The following TBC1D14 variants were observed in gnomAD, a reference collection of about 807,000 sequenced individuals.
The protein encoded by TBC1D14 is TBC1 domain family, member 14.
A neutral mutation model predicts 79.0 loss-of-function variants in TBC1D14; 26 were observed. That is an observed-to-expected ratio of 0.33 (90% CI 0.24 to 0.46). The LOEUF (loss-of-function observed/expected upper bound fraction) is 0.46, where lower values mean the gene tolerates loss of function less well. Ranked by LOEUF, TBC1D14 falls within the 20% of genes least tolerant of loss-of-function variation. The pLI is 1.00. For synonymous variants in TBC1D14, 394 were observed against 349.9 expected (o/e 1.13, Z -1.40); for missense variants, 769 against 887.6 (o/e 0.87, Z 1.70).
intron 12 of TBC1D14, among the ~76,000 whole-genome samples, chr4:7,022,582 C>G (rs979738745): frequency 1.1e-4 from 16 of 152,172 alleles, no homozygotes; most frequent in Admixed American, 1.0e-3. Context: ...CAGGAACAAG[C>G]CCAGAGGCCG....
chr4:6,995,251 A>G (rs1255888543), intron 4 of TBC1D14: 1 of 152,252 alleles, frequency 6.6e-6, no homozygotes, highest in Non-Finnish European at 1.5e-5. Context: ...TATGTCAAAA[A>G]ACAAATGAAC....
At chr4:7,023,604 G>A (rs1192805547) in intron 12 of TBC1D14, among the ~76,000 whole-genome samples, 1 of 152,234 alleles carries the variant, frequency 6.6e-6, no homozygotes. Context: ...TTCCTACCAA[G>A]CCTGCGACGG....
At chr4:6,965,735 C>T (rs532775310) in intron 2 of TBC1D14, among the ~76,000 whole-genome samples, 3 of 152,298 alleles carry the variant, frequency 2.0e-5, no homozygotes, top group South Asian at 2.1e-4. Flanking sequence ...GAGACAGAGT[C>T]TCACTACCTT....
intron 3 of TBC1D14, among the ~76,000 whole-genome samples, chr4:6,986,230 G>A (rs1717807549): frequency 6.6e-6 from 1 of 152,190 alleles, no homozygotes; most frequent in Non-Finnish European, 1.5e-5. Flanking sequence ...TTCTTTTCAT[G>A]GCCATTTCCC....
At chr4:6,960,402 C>T (rs1715080407) in intron 2 of TBC1D14, among the ~76,000 whole-genome samples, 1 of 152,110 alleles carries the variant, frequency 6.6e-6, no homozygotes, top group South Asian at 2.1e-4. Context: ...TACCCCGTGC[C>T]TTTTGCTACC....
At chr4:7,014,911 C>T (rs1164039030) in intron 12 of TBC1D14, among the ~76,000 whole-genome samples, 5 of 152,216 alleles carry the variant, frequency 3.3e-5, no homozygotes, top group Non-Finnish European at 7.3e-5. Flanking sequence ...GTGGGAGACA[C>T]GTGTGTCCAT....
At chr4:6,980,564 T>C (rs952681444) in intron 3 of TBC1D14, among the ~76,000 whole-genome samples, 5 of 152,010 alleles carry the variant, frequency 3.3e-5, no homozygotes, top group African/African-American at 1.2e-4. Flanking sequence ...ACAAAAATGA[T>C]AGACCGAAAG....
At chr4:6,935,035 G>T (rs1206101756) in intron 2 of TBC1D14, among the ~76,000 whole-genome samples, 3 of 152,218 alleles carry the variant, frequency 2.0e-5, no homozygotes, top group Non-Finnish European at 2.9e-5. Flanking sequence ...GCTGCACATT[G>T]TTATCACCAG....
At chr4:6,997,152 A>G (rs907572975) in intron 5 of TBC1D14, 1 of 152,312 alleles carries the variant, frequency 6.6e-6, no homozygotes, top group Non-Finnish European at 1.5e-5. Context: ...TGTTTGGTCA[A>G]AGAGAATGAC....
At chr4:6,937,480 G>A (rs1346463446) in intron 2 of TBC1D14, among the ~76,000 whole-genome samples, 1 of 119,144 alleles carries the variant, frequency 8.4e-6, no homozygotes, top group African/African-American at 2.6e-5. Context: ...GAATTGGGTG[G>A]GGGCACAAAC....
Position 6,987,202 on chromosome 4 carries a change from G to T in TBC1D14, c.844-6982G>T, listed in dbSNP as rs1311719524. 3.2e-6 allele frequency: 4 copies of T among 1,231,602 alleles called. No individual in the cohort carries two copies. The East Asian group carries it at 1.3e-4, about 41-fold the overall frequency. 76.3% of individuals were successfully genotyped at this position (1,231,602 alleles called of 1,614,324 possible). A position where few individuals can be genotyped will look rare whatever the true frequency, so the allele number is the denominator to read the frequency against. ...CGCTGTGTCTGCGCGCGATTGAGCG[G>T]CCTGCCGCCCCGCCCCGCCCCGCGA... On this transcript the variant is annotated intron_variant, in intron 3 of 13. Coordinates refer to ENST00000409757, the MANE Select transcript of TBC1D14 (RefSeq NM_020773.3).
chr4:7,027,000 C>A (rs1168863059), intron 13 of TBC1D14, among the ~76,000 whole-genome samples: 1 of 152,130 alleles, frequency 6.6e-6, no homozygotes, highest in East Asian at 1.9e-4. Flanking sequence ...ATCACGAGGT[C>A]AGGAGTTCAA....
chr4:6,930,904 T>G (rs976395149), intron 2 of TBC1D14, among the ~76,000 whole-genome samples: 3 of 152,132 alleles, frequency 2.0e-5, no homozygotes, highest in African/African-American at 7.2e-5. Flanking sequence ...TTTTATTTAT[T>G]TTTAAAATGT....
intron 3 of TBC1D14, among the ~76,000 whole-genome samples, chr4:6,978,062 A>AC (rs1389457248): frequency 1.5e-3 from 222 of 150,722 alleles, no homozygotes; most frequent in Middle Eastern, 6.9e-3. Context: ...CCCGTCTGGG[A>AC]GGGAGGTGGG....
intron 2 of TBC1D14, among the ~76,000 whole-genome samples, chr4:6,926,014 G>A (rs1376288218): frequency 6.6e-6 from 1 of 152,158 alleles, no homozygotes; most frequent in Non-Finnish European, 1.5e-5. Flanking sequence ...GAATTCAACC[G>A]ACCTGTGCCA....
chr4:7,016,458 G>A (rs16839553), intron 12 of TBC1D14, among the ~76,000 whole-genome samples: 7,775 of 152,332 alleles, frequency 0.051, 443 homozygotes, highest in African/African-American at 0.14. Context: ...GGCCCGCGGT[G>A]CTGGAGGACG....
intron 3 of TBC1D14, among the ~76,000 whole-genome samples, chr4:6,974,649 A>G (rs1163360410): frequency 6.6e-6 from 1 of 152,198 alleles, no homozygotes; most frequent in Non-Finnish European, 1.5e-5. Flanking sequence ...ACCACAACTC[A>G]CAGAAGGCTG....
chr4:6,942,049 G>T (rs6831590), intron 2 of TBC1D14, among the ~76,000 whole-genome samples: 62,089 of 152,046 alleles, frequency 0.41, 13,260 homozygotes, highest in African/African-American at 0.52. Flanking sequence ...TCAGCCACTT[G>T]CTACTCATAA....
intron 2 of TBC1D14, among the ~76,000 whole-genome samples, chr4:6,955,790 C>G (rs996978222): frequency 5.3e-5 from 8 of 152,262 alleles, no homozygotes; most frequent in Admixed American, 2.6e-4. Flanking sequence ...GGAACCTGCT[C>G]CACCAGGTCA....
Sources: allele counts gnomAD v4.1 joint callset (sites outside exome capture counted in the v4.1 genomes callset), GRCh38; gene constraint gnomAD v4.1.1; transcripts MANE v1.5; gene names NCBI Gene and HGNC (gene_info 2026-07-23, HGNC 2026-07-21).